The following TBC1D9B variants were observed in gnomAD, a reference collection of about 807,000 sequenced individuals.
TBC1D9B encodes the protein TBC1 domain family member 9B.
TBC1D9B carries 87 observed loss-of-function variants against 121.1 expected under a neutral mutation model. That is an observed-to-expected ratio of 0.72 (90% confidence interval 0.60 to 0.86). TBC1D9B has a LOEUF of 0.86. Ranked by LOEUF, TBC1D9B falls within the 40% of genes least tolerant of loss-of-function variation. The pLI is 0.00. For missense variants in TBC1D9B, 1,540 were observed against 1,628.6 expected, an observed-to-expected ratio of 0.95 and a Z score of 0.94; for synonymous variants, 668 against 670.1, an observed-to-expected ratio of 1.00 and a Z score of 0.05.
rs1376314375 is a variant in TBC1D9B, at chr5:179,875,976, A to G, written c.1844T>C (p.Leu615Pro). The change falls in exon 11 of 21, where the codon CTC (leucine) becomes CCC (proline). Residue 615 changes from leucine to proline, a missense_variant. By Grantham distance (98) the Leu-to-Pro change is moderately conservative (BLOSUM62 -3). Coordinates refer to ENST00000355235, the MANE Select transcript of TBC1D9B (RefSeq NM_015043.4). The surrounding 1 kb of genome is among the most constrained non-coding windows in gnomAD (Gnocchi z 4.5). The part of the protein sequence containing the change: ...LYGSEEEAFW[L>P]LVALCERMLP... ...CATGCGCTCGCACAGGGCCACCAGG[A>G]GCCAGAAGGCCTCCTCCTCACTGCC... is the stretch of plus-strand genomic sequence containing the variant. The G allele has an allele frequency of 6.2e-7, 1 of 1,612,150 alleles. No individual in the cohort carries two copies. Among genetic ancestry groups the G allele is most frequent in the African/African-American group, 1.3e-5 (1 of 74,866 alleles).
Position 179,873,161 on chromosome 5 carries a change from A to C in TBC1D9B, c.2274T>G (p.Pro758=). 2.5e-6 allele frequency: 4 copies of C among 1,613,054 alleles called. No individual in the cohort carries two copies. Among genetic ancestry groups the C allele is most frequent in the Non-Finnish European group, 3.4e-6 (4 of 1,179,636 alleles). ...RALLSSSDDP[P]AEVDIFELLK... ...GGAGCTCAAAGATGTCCACCTCTGC[A>C]GGGGGGTCATCGCTGCTGCTCAGCA... The change falls in exon 13 of 21, where the codon CCT becomes CCG. Residue 758 remains proline (P), a synonymous_variant. Coordinates refer to ENST00000355235, the MANE Select transcript of TBC1D9B (RefSeq NM_015043.4).
chr5:179,874,400 G>C lies in TBC1D9B; in HGVS notation c.2186+502C>G, dbSNP rs532965863. 2.6e-5 allele frequency among the ~76,000 whole-genome samples: 4 copies of C among 152,248 alleles called. No homozygotes were observed. Among genetic ancestry groups the C allele is most frequent in the African/African-American group, 7.2e-5 (3 of 41,540 alleles). ...GAGATGGGATGTGGGGACTAAGGAG[G>C]GGGTGGAGGGGCTGGGATGACCCTG... On this transcript the variant is annotated intron_variant, in intron 12 of 20. Transcript: ENST00000355235. This position sits in a 1 kb window ranked among gnomAD's most constrained non-coding sequence, Gnocchi z 4.3.
chr5:179,893,898 G>A (rs1425645537), intron 4 of TBC1D9B, among the ~76,000 whole-genome samples: 1 of 152,204 alleles, frequency 6.6e-6, no homozygotes, highest in African/African-American at 2.4e-5. Flanking sequence ...GGGGCACAGG[G>A]AGGCTGTGGG....
In TBC1D9B at chr5:179,865,643, G is replaced by A. The variant is rs1162053366; in HGVS notation, c.2914+195C>T. On this transcript the variant is annotated intron_variant, in intron 19 of 20. Transcript: ENST00000355235. The surrounding 1 kb of genome is among the most constrained non-coding windows in gnomAD (Gnocchi z 5.1). ...GCTGGAGAGAAGCTGGCAAGAGAGG[G>A]CTGGCTGGGTGCCCGTGGGGCTGGT... The A allele has an allele frequency of 6.1e-6, 4 of 652,742 alleles. No homozygotes were observed. In the Admixed American group the frequency reaches 1.2e-4, roughly 19 times the overall value. The allele number at this position is 652,742 out of a possible 1,614,324, so 40.4% of individuals were successfully genotyped here. A position where few individuals can be genotyped will look rare whatever the true frequency, so the allele number is the denominator to read the frequency against.
chr5:179,878,540 G>A lies in TBC1D9B; in HGVS notation c.1568-17C>T, dbSNP rs1449447004. The A allele has an allele frequency of 6.3e-7, 1 of 1,580,980 alleles. No homozygotes were observed. ...TCCAGGCCCCTGGGGAGACACGGGTGCCAGCTGTCTCTGTCCTTCTTCTGG... is the reference window on the plus strand; with the variant it reads ...TCCAGGCCCCTGGGGAGACACGGGTACCAGCTGTCTCTGTCCTTCTTCTGG... On this transcript the variant is annotated splice_polypyrimidine_tract_variant and intron_variant, in intron 9 of 20. Transcript: ENST00000355235.
At chr5:179,864,279 A>G (rs172056) in intron 20 of TBC1D9B, 151 bp from the exon 21 acceptor site, 277,617 of 767,406 alleles carry the variant, frequency 0.36, 57,322 homozygotes, top group East Asian at 0.67. Flanking sequence ...CCCATCTCAC[A>G]GATCAGGACA....
At chr5:179,888,037 G>T in intron 7 of TBC1D9B, 66 bp downstream of exon 7, 1 of 1,589,064 alleles carries the variant, frequency 6.3e-7, no homozygotes, top group South Asian at 1.1e-5. Flanking sequence ...CCAGCGGGGA[G>T]GCTGATGGAT....
chr5:179,863,812 C>T lies in TBC1D9B; in HGVS notation c.3338G>A (p.Gly1113Glu), dbSNP rs142401945. 2.5e-6 allele frequency: 4 copies of T among 1,613,544 alleles called. No individual in the cohort carries two copies. Among genetic ancestry groups the T allele is most frequent in the Admixed American group, 1.7e-5 (1 of 59,984 alleles). Residue 1113 changes from glycine (G) to glutamate (E), a missense_variant, in exon 21 of 21, where the codon GGG becomes GAG. Gly to Glu is a moderately conservative substitution (Grantham distance 98, BLOSUM62 -2). Transcript: ENST00000355235. The surrounding 1 kb of genome is among the most constrained non-coding windows in gnomAD (Gnocchi z 4.5). ...TGAGCCCTGTCCCTCGCCGCTGCCCCCCTCCACCACCACCTGGCTCTCCTG... is the reference window on the plus strand; with the variant it reads ...TGAGCCCTGTCCCTCGCCGCTGCCCTCCTCCACCACCACCTGGCTCTCCTG... ...APQESQVVVE[G>E]GSGEGQGSPS...
chr5:179,875,069 G>A lies in TBC1D9B; in HGVS notation c.2019C>T (p.Thr673=). Residue 673 remains threonine, a synonymous_variant, in exon 12 of 21, where the codon ACC becomes ACT. Coordinates refer to ENST00000355235, the MANE Select transcript of TBC1D9B (RefSeq NM_015043.4). The surrounding 1 kb of genome is among the most constrained non-coding windows in gnomAD (Gnocchi z 4.5). ...CGAAGGGCATGACGCTGAGGAAGAG[G>A]GTCAGGAACCAGGACAGCGAGATGC... ...ISSISLSWFL[T]LFLSVMPFES... The A allele has an allele frequency of 6.2e-7, 1 of 1,614,112 alleles. No individual in the cohort carries two copies. The highest frequency in any genetic ancestry group is 1.3e-5 in the African/African-American group (1 of 75,056).
At position 179,865,925 on chromosome 5, in the gene TBC1D9B, A is replaced by T; in HGVS notation, c.2864-37T>A. On this transcript the variant is annotated intron_variant, in intron 18 of 20. Transcript: ENST00000355235. This position sits in a 1 kb window ranked among gnomAD's most constrained non-coding sequence, Gnocchi z 5.1. ...CAAAAATAAAAAGAACATGAATAAC[A>T]TTCTGCTGTTGGGACTGCAAGCTCC... The T allele has an allele frequency of 6.2e-7, 1 of 1,613,134 alleles. No homozygotes were observed. The highest frequency in any genetic ancestry group is 1.3e-5 in the African/African-American group (1 of 75,012).
chr5:179,877,314 A>G (rs1047692646), intron 10 of TBC1D9B, among the ~76,000 whole-genome samples: 30 of 152,030 alleles, frequency 2.0e-4, no homozygotes, highest in African/African-American at 6.8e-4. Context: ...CAGCCTGGAC[A>G]ACATAGCAAG....
At chr5:179,895,594 G>C (rs1377683535) in intron 3 of TBC1D9B, among the ~76,000 whole-genome samples, 1 of 152,158 alleles carries the variant, frequency 6.6e-6, no homozygotes, top group Non-Finnish European at 1.5e-5. Flanking sequence ...CATCCCCCTG[G>C]GCCACAGAGC....
intron 18 of TBC1D9B, chr5:179,867,259 C>G (rs549911850): frequency 3.2e-6 from 2 of 628,906 alleles, no homozygotes; most frequent in South Asian, 5.1e-5. Flanking sequence ...CCTTATTTAC[C>G]GCCCACCTAC....
intron 20 of TBC1D9B, 135 bp from the exon 21 acceptor site, chr5:179,864,263 A>G: frequency 1.2e-6 from 1 of 851,664 alleles, no homozygotes; most frequent in South Asian, 1.8e-5. Context: ...CATGAGCCTC[A>G]TCAGTCCCAT....
chr5:179,901,600 C>T (rs1013652585), intron 2 of TBC1D9B, among the ~76,000 whole-genome samples: 2 of 152,038 alleles, frequency 1.3e-5, no homozygotes, highest in African/African-American at 2.4e-5. Context: ...GTCTGGGCAA[C>T]ATGGCTGTCT....
chr5:179,897,140 C>A (rs947358089), intron 3 of TBC1D9B, among the ~76,000 whole-genome samples: 1 of 151,980 alleles, frequency 6.6e-6, no homozygotes, highest in African/African-American at 2.4e-5. Flanking sequence ...ATCTCCTGAC[C>A]TCGTGATCCG....
intron 7 of TBC1D9B, among the ~76,000 whole-genome samples, chr5:179,883,617 T>A (rs1162922721): frequency 1.3e-5 from 2 of 152,212 alleles, no homozygotes; most frequent in Admixed American, 1.3e-4. Flanking sequence ...CTGAGCTTTT[T>A]AAACATTTTT....
At chr5:179,884,923 A>G (rs1760635912) in intron 7 of TBC1D9B, among the ~76,000 whole-genome samples, 1 of 152,128 alleles carries the variant, frequency 6.6e-6, no homozygotes, top group Non-Finnish European at 1.5e-5. Flanking sequence ...AGTTCTGTGG[A>G]TGGATGGTGG....
rs2113651649 is a variant in TBC1D9B at position 179,902,723 on chromosome 5, G to A, written c.229+1979C>T. On this transcript the variant is annotated intron_variant, in intron 2 of 20. Transcript: ENST00000355235. The surrounding 1 kb of genome is among the most constrained non-coding windows in gnomAD (Gnocchi z 4.9). ...AATCTCAAGGGCCCATGTTAAAGCA[G>A]CTCCTCTCCTCATTAGCACACACCA... Among the ~76,000 whole-genome samples the A allele has an allele frequency of 6.6e-6, 1 of 152,270 alleles. No individual in the cohort carries two copies.
Sources: allele counts gnomAD v4.1 joint callset (sites outside exome capture counted in the v4.1 genomes callset), GRCh38; gene constraint gnomAD v4.1.1; non-coding constraint Gnocchi (gnomAD v3.1); transcripts MANE v1.5; gene names NCBI Gene and HGNC (gene_info 2026-07-23, HGNC 2026-07-21).